ZNF438: variants seen among roughly 807,000 people sequenced by gnomAD.
ZNF438 encodes zinc finger protein 438.
Under a neutral mutation model 38.0 loss-of-function variants are expected in ZNF438, and 25 were observed. The ratio of observed to expected loss-of-function variants is 0.66; its 90% CI spans 0.48 to 0.92. The LOEUF is 0.92. ZNF438 is among the 40% of genes least tolerant of loss of function. The pLI is 0.00. For synonymous variants in ZNF438, 372 were observed against 364.1 expected, an observed-to-expected ratio of 1.02 and a Z score of -0.25; for missense variants, 1,007 against 999.6, an observed-to-expected ratio of 1.01 and a Z score of -0.10.
In ZNF438 at chr10:30,924,240, G is replaced by A. The variant is rs958712544; in HGVS notation, c.-114-15225C>T. On this transcript the variant is annotated intron_variant, in intron 2 of 5. Transcript: ENST00000413025. ...CACTGCACAGAAAGCCAATGACTGA[G>A]ACGATGAATGTTGCCAAGGAAGAAG... Among the ~76,000 whole-genome samples, 3 of 152,188 alleles carry A rather than the reference G, an allele frequency of 2.0e-5. No homozygotes were observed. In the East Asian group the frequency reaches 5.8e-4, roughly 29 times the overall value.
chr10:30,954,736 T>C (rs111271322), intron 1 of ZNF438, among the ~76,000 whole-genome samples: 27 of 152,300 alleles, frequency 1.8e-4, no homozygotes, highest in African/African-American at 6.0e-4. Flanking sequence ...GGGCTACAAT[T>C]TGATACACAG....
intron 3 of ZNF438, among the ~76,000 whole-genome samples, chr10:30,892,413 ACT>A (rs1167829273): frequency 1.3e-5 from 2 of 152,166 alleles, no homozygotes; most frequent in East Asian, 3.8e-4. Context: ...CTCTATCAAA[ACT>A]CTATCTTATT....
At chr10:30,868,151 C>T (rs1045234423) in intron 4 of ZNF438, among the ~76,000 whole-genome samples, 3 of 151,474 alleles carry the variant, frequency 2.0e-5, no homozygotes, top group Admixed American at 1.3e-4. Flanking sequence ...CTCACTGCAA[C>T]TTCCGTCTCC....
chr10:30,850,086 G>C (rs774756631), exon 5 of ZNF438: 3 of 1,614,148 alleles, frequency 1.9e-6, no homozygotes, highest in Non-Finnish European at 2.5e-6. Context: ...CTGGGTTTCT[G>C]AATTGGCTGA....
intron 2 of ZNF438, among the ~76,000 whole-genome samples, chr10:30,933,448 A>C (rs1220423143): frequency 6.6e-6 from 1 of 152,186 alleles, no homozygotes; most frequent in Non-Finnish European, 1.5e-5. Context: ...GTTAACAAGC[A>C]ATTTATGCTT....
At chr10:30,851,516 T>G (rs904040566) in intron 4 of ZNF438, among the ~76,000 whole-genome samples, 1 of 152,272 alleles carries the variant, frequency 6.6e-6, no homozygotes, top group African/African-American at 2.4e-5. Context: ...TCTGAAATTT[T>G]TGGAGGAAGA....
intron 3 of ZNF438, among the ~76,000 whole-genome samples, chr10:30,896,616 T>C (rs1324218904): frequency 1.3e-5 from 2 of 151,892 alleles, no homozygotes; most frequent in South Asian, 2.1e-4. Context: ...AATTCAAAGA[T>C]AGACAGCAGA....
intron 1 of ZNF438, among the ~76,000 whole-genome samples, chr10:30,996,617 G>A (rs1377801033): frequency 4.0e-5 from 6 of 151,630 alleles, no homozygotes; most frequent in Admixed American, 3.3e-4. Context: ...AATAATTGGA[G>A]ACTTCCCTCT....
intron 3 of ZNF438, among the ~76,000 whole-genome samples, chr10:30,900,545 C>A (rs181761380): frequency 1.6e-4 from 25 of 152,302 alleles, no homozygotes; most frequent in Non-Finnish European, 2.8e-4. Context: ...GTGTTCTAAG[C>A]ATTAAGTATA....
intron 3 of ZNF438, among the ~76,000 whole-genome samples, chr10:30,880,856 A>T (rs971109182): frequency 4.6e-5 from 7 of 152,200 alleles, no homozygotes; most frequent in Non-Finnish European, 1.0e-4. Context: ...GCAATTTACC[A>T]TCTTAATGTT....
chr10:30,918,325 G>C (rs542774120), intron 2 of ZNF438, among the ~76,000 whole-genome samples: 1 of 152,196 alleles, frequency 6.6e-6, no homozygotes, highest in East Asian at 1.9e-4. Context: ...GTGGATTTAT[G>C]CTAGGGATTA....
chr10:30,847,762 C>T (rs142102304), intron 5 of ZNF438, among the ~76,000 whole-genome samples: 3 of 152,372 alleles, frequency 2.0e-5, no homozygotes, highest in African/African-American at 4.8e-5. Context: ...CCAGCCACAG[C>T]CTTGCAAGGA....
At chr10:30,874,110 G>GTATATATATATA (rs1483981955) in intron 4 of ZNF438, among the ~76,000 whole-genome samples, 1 of 31,648 alleles carries the variant, frequency 3.2e-5, no homozygotes, top group African/African-American at 1.7e-4. Context: ...GGGGGTGTGT[G>GTATATATATATA]TGTGTATATA....
At chr10:30,968,554 C>T (rs538264022) in intron 1 of ZNF438, among the ~76,000 whole-genome samples, 11 of 150,064 alleles carry the variant, frequency 7.3e-5, no homozygotes, top group Admixed American at 2.0e-4. Flanking sequence ...AGCGATTCTC[C>T]TGTCTCAGCC....
intron 5 of ZNF438, 116 bp downstream of exon 6, chr10:30,848,415 T>G: frequency 7.9e-7 from 1 of 1,266,958 alleles, no homozygotes; most frequent in East Asian, 2.4e-5. Flanking sequence ...AGCTACTTTA[T>G]GAAATCTTAA....
intron 1 of ZNF438, among the ~76,000 whole-genome samples, chr10:31,020,644 A>AT (rs1002972875): frequency 2.0e-5 from 3 of 151,888 alleles, no homozygotes; most frequent in African/African-American, 7.3e-5. Context: ...AATAAAAAGG[A>AT]TTTTTTTTAT....
chr10:30,982,114 A>C (rs796785730), intron 1 of ZNF438, among the ~76,000 whole-genome samples: 5 of 89,224 alleles, frequency 5.6e-5, no homozygotes, highest in East Asian at 5.5e-4. Flanking sequence ...TTTTTTTTTT[A>C]TTTTTGAGAT....
chr10:30,965,697 G>A (rs568112474), intron 1 of ZNF438, among the ~76,000 whole-genome samples: 7 of 152,304 alleles, frequency 4.6e-5, no homozygotes, highest in African/African-American at 1.7e-4. Context: ...ATAAGTGGGA[G>A]TGAAACATTA....
intron 1 of ZNF438, among the ~76,000 whole-genome samples, chr10:30,962,873 T>C (rs1274485525): frequency 6.6e-6 from 1 of 152,216 alleles, no homozygotes; most frequent in Non-Finnish European, 1.5e-5. Context: ...TTTACTGTTT[T>C]GGAAAAACTG....
Sources: gnomAD v4.1 joint callset for allele counts (sites outside exome capture counted in the v4.1 genomes callset) on GRCh38, gnomAD v4.1.1 for gene constraint, MANE v1.5 for transcripts, NCBI Gene and HGNC (gene_info 2026-07-23, HGNC 2026-07-21) for gene names.